Variants in ANXA4 observed in about 807,000 individuals in gnomAD.
ANXA4 encodes the protein annexin A4, also known as 35-beta calcimedin.
In ANXA4, 39 loss-of-function variants were observed where a neutral mutation model predicts 49.8. The observed-to-expected ratio is 0.78, with a 90% CI of 0.61 to 1.02. ANXA4 has a LOEUF of 1.02. Ranked by LOEUF, ANXA4 falls within the 50% of genes least tolerant of loss-of-function variation. The pLI is 0.00. For synonymous variants in ANXA4, 134 were observed against 152.5 expected (o/e 0.88, Z 0.89); for missense variants, 360 against 410.1 (o/e 0.88, Z 1.05).
At chr2:69,671,013 C>A (rs1322464535) in intron 2 of ANXA4, among the ~76,000 whole-genome samples, 2 of 109,282 alleles carry the variant, frequency 1.8e-5, no homozygotes, top group South Asian at 3.1e-4. Context: ...GTGACAGAGT[C>A]AGACTCCATC....
At chr2:69,722,012 A>G (rs1669824365) in intron 3 of ANXA4, among the ~76,000 whole-genome samples, 1 of 152,228 alleles carries the variant, frequency 6.6e-6, no homozygotes, top group Non-Finnish European at 1.5e-5. Context: ...TAGAAATAAT[A>G]ATATTAGACT....
At chr2:69,771,810 A>G (rs1308458112) in intron 1 of ANXA4, among the ~76,000 whole-genome samples, 1 of 152,218 alleles carries the variant, frequency 6.6e-6, no homozygotes, top group African/African-American at 2.4e-5. Context: ...CTTTTTCTTT[A>G]TGAATTCATT....
chr2:69,768,115 T>A (rs1671569071), intron 1 of ANXA4, among the ~76,000 whole-genome samples: 1 of 152,180 alleles, frequency 6.6e-6, no homozygotes, highest in Non-Finnish European at 1.5e-5. Flanking sequence ...AACATAGCTC[T>A]TATCACCTAT....
intron 8 of ANXA4, among the ~76,000 whole-genome samples, chr2:69,813,308 G>A (rs1250032265): frequency 1.3e-5 from 2 of 151,752 alleles, no homozygotes; most frequent in Non-Finnish European, 2.9e-5. Context: ...GAGTGCAATG[G>A]CATGATCTTG....
chr2:69,785,913 G>A (rs985894188), intron 2 of ANXA4, among the ~76,000 whole-genome samples: 4 of 152,192 alleles, frequency 2.6e-5, no homozygotes, highest in Middle Eastern at 3.4e-3. Flanking sequence ...CTGTACTGTT[G>A]GAGAGACCCA....
intron 2 of ANXA4, among the ~76,000 whole-genome samples, chr2:69,664,743 C>T (rs1366076853): frequency 6.6e-6 from 1 of 152,160 alleles, no homozygotes; most frequent in Non-Finnish European, 1.5e-5. Flanking sequence ...GAGATGGCAT[C>T]TATGTCCTTT....
chr2:69,761,952 C>T (rs1671307314), intron 1 of ANXA4, among the ~76,000 whole-genome samples: 1 of 152,026 alleles, frequency 6.6e-6, no homozygotes, highest in Admixed American at 6.5e-5. Flanking sequence ...TCTGTTGGCA[C>T]CAACTAGATT....
At chr2:69,750,833 C>A (rs1670809993) in intron 1 of ANXA4, among the ~76,000 whole-genome samples, 1 of 152,174 alleles carries the variant, frequency 6.6e-6, no homozygotes, top group Non-Finnish European at 1.5e-5. Context: ...AGGGCAGGGG[C>A]CTTTGTCAGA....
chr2:69,663,149 C>T (rs972803111), intron 2 of ANXA4, among the ~76,000 whole-genome samples: 5 of 148,826 alleles, frequency 3.4e-5, no homozygotes, highest in African/African-American at 7.4e-5. Flanking sequence ...CCCACCACCA[C>T]GCCCAGCTAT....
chr2:69,812,985 G>C (rs1673777268), intron 8 of ANXA4, among the ~76,000 whole-genome samples: 1 of 152,164 alleles, frequency 6.6e-6, no homozygotes, highest in Non-Finnish European at 1.5e-5. Flanking sequence ...GAATCCCGTG[G>C]AGGTGAAAGG....
In ANXA4 at chr2:69,781,507, G is replaced by T; in HGVS notation, c.-46-13G>T. On this transcript the variant is annotated splice_polypyrimidine_tract_variant and intron_variant, in intron 1 of 12. Coordinates refer to ENST00000394295, the MANE Select transcript of ANXA4 (RefSeq NM_001153.5). ...CCTTCATCACAGTAATTTCCCCTCTGCTTTTATCACAGAAGAACTTCTGCT... is the reference window on the plus strand; with the variant it reads ...CCTTCATCACAGTAATTTCCCCTCTTCTTTTATCACAGAAGAACTTCTGCT... The T allele has an allele frequency of 6.2e-7, 1 of 1,604,994 alleles. No homozygotes were observed. The highest frequency in any genetic ancestry group is 8.5e-7 in the Non-Finnish European group (1 of 1,172,170).
At chr2:69,794,081 A>G (rs1672815461) in intron 3 of ANXA4, among the ~76,000 whole-genome samples, 1 of 152,188 alleles carries the variant, frequency 6.6e-6, no homozygotes, top group South Asian at 2.1e-4. Flanking sequence ...ACCTGTTCAC[A>G]ATCATGTTTA....
At chr2:69,654,952 G>A (rs1357798338) in intron 2 of ANXA4, among the ~76,000 whole-genome samples, 2 of 152,144 alleles carry the variant, frequency 1.3e-5, no homozygotes, top group African/African-American at 2.4e-5. Flanking sequence ...AATAAATGGC[G>A]ATGGGAAAAC....
intron 6 of ANXA4, chr2:69,808,267 C>T (rs1438470754): frequency 5.4e-6 from 2 of 367,394 alleles, no homozygotes; most frequent in Admixed American, 8.3e-5. Context: ...TCCTTATTAT[C>T]AGACAAAGAA....
At chr2:69,745,589 G>T (rs1378306384) in intron 1 of ANXA4, among the ~76,000 whole-genome samples, 1 of 151,148 alleles carries the variant, frequency 6.6e-6, no homozygotes, top group Admixed American at 6.6e-5. Flanking sequence ...GGAGTGCAAT[G>T]GTGCCATCTC....
Position 69,769,291 on chromosome 2 carries a change from T to G in ANXA4, c.-46-12229T>G, listed in dbSNP as rs1249928904. ...ATCATTGAGGCCACTGTGACTTTCCTTATTGTTATAAAATGTAGATATTTA... is the reference window on the plus strand; with the variant it reads ...ATCATTGAGGCCACTGTGACTTTCCGTATTGTTATAAAATGTAGATATTTA... On this transcript the variant is annotated intron_variant, in intron 1 of 12. Transcript: ENST00000394295. 2.0e-5 allele frequency among the ~76,000 whole-genome samples: 3 copies of G among 152,210 alleles called. 1 individual carries two copies. The highest frequency in any genetic ancestry group is 4.8e-5 in the African/African-American group (2 of 41,454).
intron 3 of ANXA4, among the ~76,000 whole-genome samples, chr2:69,721,371 G>A (rs999685961): frequency 6.6e-6 from 1 of 152,218 alleles, no homozygotes; most frequent in African/African-American, 2.4e-5. Flanking sequence ...GGCATTGGAA[G>A]GTTTCACGTA....
At position 69,716,377 on chromosome 2, in the gene ANXA4, A is replaced by G. The variant is rs868029040; in HGVS notation, n.767-4397A>G. Among the ~76,000 whole-genome samples the G allele has an allele frequency of 3.3e-5, 5 of 152,308 alleles. No homozygotes were observed. The South Asian group carries it at 6.2e-4, about 19-fold the overall frequency. Reference sequence around the variant, plus strand: ...TTCATAGAACAGGTGAACCAGGAAAAAAGGGATTCACCAGAAAGATAAGAG... The same window carrying G: ...TTCATAGAACAGGTGAACCAGGAAAGAAGGGATTCACCAGAAAGATAAGAG... On this transcript the variant is annotated intron_variant and non_coding_transcript_variant, in intron 2 of 3. Transcript: ENST00000418066.
intron 2 of ANXA4, among the ~76,000 whole-genome samples, chr2:69,662,659 C>A (rs142543851): frequency 5.3e-5 from 8 of 152,088 alleles, no homozygotes; most frequent in African/African-American, 1.2e-4. Flanking sequence ...TCTTTGGGGA[C>A]TCTAAGAGGA....
Sources: allele counts gnomAD v4.1 joint callset (sites outside exome capture counted in the v4.1 genomes callset), GRCh38; gene constraint gnomAD v4.1.1; transcripts MANE v1.5; gene names NCBI Gene and HGNC (gene_info 2026-07-23, HGNC 2026-07-21).